ALDH3A2: variants seen among roughly 807,000 people sequenced by gnomAD.
ALDH3A2 encodes the protein aldehyde dehydrogenase family 3 member A2.
Under a neutral mutation model 51.3 loss-of-function variants are expected in ALDH3A2, and 36 were observed. The observed-to-expected ratio is 0.70, with a 90% CI of 0.54 to 0.93. ALDH3A2 has a LOEUF of 0.93. Ranked by LOEUF, ALDH3A2 falls within the 40% of genes least tolerant of loss-of-function variation. The pLI, the probability that ALDH3A2 is intolerant of heterozygous loss-of-function variation, is 0.00. For missense variants in ALDH3A2, 552 were observed against 603.1 expected, an observed-to-expected ratio of 0.92 and a Z score of 0.89; for synonymous variants, 199 against 219.8, an observed-to-expected ratio of 0.91 and a Z score of 0.84.
chr17:19,672,017 G>C (rs531955974), intron 9 of ALDH3A2, 61 bp downstream of exon 9: 1 of 1,384,858 alleles, frequency 7.2e-7, no homozygotes, highest in Admixed American at 1.7e-5. Flanking sequence ...GCTGCCAGAT[G>C]CATATTCTAG....
intron 1 of ALDH3A2, 28 bp downstream of exon 1, chr17:19,649,152 GA>G (rs778059560): frequency 6.5e-7 from 1 of 1,545,904 alleles, no homozygotes; most frequent in South Asian, 1.2e-5. Context: ...GGGGTGTGGG[GA>G]AACTGGCCCC....
At position 19,661,247 on chromosome 17, in the gene ALDH3A2, G is replaced by A. The variant is rs745558212; in HGVS notation, c.919G>A (p.Asp307Asn). The A allele has an allele frequency of 1.2e-5, 20 of 1,614,032 alleles. No homozygotes were observed. Among genetic ancestry groups the A allele is most frequent in the Non-Finnish European group, 1.5e-5 (18 of 1,180,044 alleles). Reference protein sequence around the residue: ...GQKIAFGGETDEATRYIAPTV... With the variant: ...GQKIAFGGETNEATRYIAPTV... ...AAAGATAGCTTTTGGTGGGGAGACT[G>A]ATGAGGCCACACGCTACATAGGTAA... The change falls in exon 6 of 10, where the codon GAT (aspartate) becomes AAT (asparagine). Residue 307 changes from aspartate to asparagine, a missense_variant. Asp to Asn is a conservative substitution (Grantham distance 23). Coordinates refer to ENST00000176643, the MANE Select transcript of ALDH3A2 (RefSeq NM_000382.3).
intron 8 of ALDH3A2, among the ~76,000 whole-genome samples, chr17:19,666,690 T>C (rs4925037): frequency 0.28 from 42,233 of 151,610 alleles, 6,327 homozygotes; most frequent in East Asian, 0.52. Context: ...GGCAGGAGAA[T>C]TGCTTGAACC....
At chr17:19,661,444 G>C in intron 6 of ALDH3A2, 176 bp downstream of exon 6, 1 of 735,574 alleles carries the variant, frequency 1.4e-6, no homozygotes, top group Non-Finnish European at 2.2e-6. Flanking sequence ...TAAAATGTCT[G>C]TGTTTCTGTG....
At chr17:19,658,141 T>C (rs2084921924) in intron 5 of ALDH3A2, among the ~76,000 whole-genome samples, 1 of 152,190 alleles carries the variant, frequency 6.6e-6, no homozygotes, top group Non-Finnish European at 1.5e-5. Context: ...AATAATCGTG[T>C]GTCCGTGGTT....
chr17:19,667,895 T>C (rs988122269), intron 8 of ALDH3A2, among the ~76,000 whole-genome samples: 1 of 152,204 alleles, frequency 6.6e-6, no homozygotes, highest in Non-Finnish European at 1.5e-5. Context: ...TTTAAGACTT[T>C]TGATAGATAT....
rs1000786422 is a variant in ALDH3A2 at position 19,656,073 on chromosome 17, T to A, written c.472-293T>A. ...GCACACACCCGCGTCTCATGCATTT[T>A]CCCTGGTCAAATTCAACCATTTGTT... On this transcript the variant is annotated intron_variant, in intron 3 of 9. Transcript: ENST00000176643. 9.4e-6 allele frequency: 4 copies of A among 423,708 alleles called. No individual in the cohort carries two copies. The East Asian group carries it at 2.1e-4, about 22-fold the overall frequency. 26.2% of individuals were successfully genotyped at this position (423,708 alleles called of 1,614,324 possible). A position where few individuals can be genotyped will look rare whatever the true frequency, so the allele number is the denominator to read the frequency against.
At chr17:19,664,856 A>G (rs1159507465) in intron 7 of ALDH3A2, 92 bp from the exon 8 acceptor site, 2 of 881,752 alleles carry the variant, frequency 2.3e-6, no homozygotes, top group African/African-American at 3.3e-5. Flanking sequence ...CTTTGAGCAC[A>G]TAACTGAGCA....
intron 9 of ALDH3A2, among the ~76,000 whole-genome samples, chr17:19,673,872 A>G (rs1393177206): frequency 6.6e-6 from 1 of 152,180 alleles, no homozygotes; most frequent in Admixed American, 6.6e-5. Context: ...TGCAGAGGCA[A>G]TGGCTTAGCT....
rs370799289 is a variant in ALDH3A2, at chr17:19,661,264, C to T, written c.936C>T (p.Tyr312=). The T allele has an allele frequency of 1.2e-5, 19 of 1,614,140 alleles. No homozygotes were observed. The African/African-American group carries it at 2.3e-4, about 19-fold the overall frequency. ...FGGETDEATR[Y]IAPTVLTDVD... is the part of the protein sequence containing the mutation. ...GGGAGACTGATGAGGCCACACGCTA[C>T]ATAGGTAATGGAAATTCTCCTTTTC... The change falls in exon 6 of 10, where the codon TAC becomes TAT. Residue 312 remains tyrosine (Y), a synonymous_variant. Coordinates refer to ENST00000176643, the MANE Select transcript of ALDH3A2 (RefSeq NM_000382.3).
At chr17:19,673,344 TG>T in intron 9 of ALDH3A2, 1 of 1,499,696 alleles carries the variant, frequency 6.7e-7, no homozygotes, top group Non-Finnish European at 8.8e-7. Flanking sequence ...AAGGGTTTTT[TG>T]GTTTGTTTTT....
intron 9 of ALDH3A2, among the ~76,000 whole-genome samples, chr17:19,673,745 T>G (rs2085153006): frequency 6.6e-6 from 1 of 152,138 alleles, no homozygotes; most frequent in African/African-American, 2.4e-5. Flanking sequence ...AAAAGAATGT[T>G]TAACTTACTT....
chr17:19,665,827 A>G (rs1254391772), intron 8 of ALDH3A2, among the ~76,000 whole-genome samples: 1 of 152,220 alleles, frequency 6.6e-6, no homozygotes, highest in African/African-American at 2.4e-5. Flanking sequence ...AAACCCAACC[A>G]GAAAAGCCAC....
rs886039305 is a variant in ALDH3A2 at position 19,652,545 on chromosome 17, A to G, written c.386-2A>G. The G allele has an allele frequency of 1.2e-6, 2 of 1,610,494 alleles. No individual in the cohort carries two copies. The highest frequency in any genetic ancestry group is 1.7e-6 in the Non-Finnish European group (2 of 1,176,866). On this transcript the variant is annotated splice_acceptor_variant, in intron 2 of 9. Transcript: ENST00000176643. LOFTEE classifies it high-confidence loss of function. The stretch of plus-strand genomic sequence containing the variant: ...TACTGTTCTACTTTTTACTTTATTT[A>G]GGAAATGCTGTGATTATAAAGCCTT...
intron 9 of ALDH3A2, 179 bp from the exon 10 acceptor site, chr17:19,675,378 TG>T (rs1330646839): frequency 3.0e-6 from 2 of 671,004 alleles, no homozygotes; most frequent in Non-Finnish European, 5.3e-6. Flanking sequence ...CATAATCCTT[TG>T]GCCTAAACCG....
At chr17:19,674,592 G>C (rs1428287820) in intron 9 of ALDH3A2, 3 of 152,158 alleles carry the variant, frequency 2.0e-5, no homozygotes, top group Non-Finnish European at 4.4e-5. Context: ...TCATCTACAG[G>C]GTGAGGGAGT....
chr17:19,658,402 C>T (rs1416293217), intron 5 of ALDH3A2, among the ~76,000 whole-genome samples: 1 of 151,798 alleles, frequency 6.6e-6, no homozygotes, highest in East Asian at 1.9e-4. Flanking sequence ...TAAGCCAAGA[C>T]TTGAAGAAAT....
intron 9 of ALDH3A2, 128 bp from the exon 10 acceptor site, chr17:19,675,430 A>G (rs1244140301): frequency 3.5e-5 from 33 of 954,026 alleles, no homozygotes; most frequent in South Asian, 6.7e-5. Context: ...CCTTTTTTGT[A>G]CAATGCATGT....
At chr17:19,670,626 G>A (rs1360377667) in intron 8 of ALDH3A2, among the ~76,000 whole-genome samples, 3 of 150,674 alleles carry the variant, frequency 2.0e-5, no homozygotes, top group Non-Finnish European at 4.4e-5. Flanking sequence ...GCAGTGGCGC[G>A]ATCTCAGCTC....
Sources: gnomAD v4.1 joint callset for allele counts (sites outside exome capture counted in the v4.1 genomes callset) on GRCh38, gnomAD v4.1.1 for gene constraint, MANE v1.5 for transcripts, NCBI Gene and HGNC (gene_info 2026-07-23, HGNC 2026-07-21) for gene names.